Variants in USH2A observed in about 807,000 individuals in gnomAD.
USH2A encodes the protein usherin.
Under a neutral mutation model 538.9 loss-of-function variants are expected in USH2A, and 443 were observed. The ratio of observed to expected loss-of-function variants is 0.82; its 90% CI spans 0.76 to 0.89. The LOEUF (loss-of-function observed/expected upper bound fraction) is 0.89. Among genes scored for constraint, USH2A ranks in the 40% least tolerant of loss-of-function variants. The pLI is 0.00. For synonymous variants in USH2A, 2,413 were observed against 2,273.5 expected (o/e 1.06, Z -1.75); for missense variants, 6,633 against 6,324.8 (o/e 1.05, Z -1.65).
Position 216,246,740 on chromosome 1 carries a change from T to G in USH2A, c.2654A>C (p.His885Pro). The G allele has an allele frequency of 6.2e-7, 1 of 1,614,150 alleles. No homozygotes were observed. Among genetic ancestry groups the G allele is most frequent in the Non-Finnish European group, 8.5e-7 (1 of 1,179,982 alleles). The stretch of plus-strand genomic sequence containing the variant: ...ATTGTCAATGGTCAAATTGTACCTG[T>G]GAGGCTCACACTGATTACAGCGAAG... ...TGLRCNQCEP[H>P]RYNLTIDNFQ... The change falls in exon 13 of 72, where the codon CAC becomes CCC. Residue 885 changes from histidine to proline, a missense_variant. Transcript: ENST00000307340.
chr1:215,972,924 G>A (rs560458466), intron 35 of USH2A, among the ~76,000 whole-genome samples: 2 of 152,218 alleles, frequency 1.3e-5, no homozygotes, highest in South Asian at 2.1e-4. Flanking sequence ...ACACAAATGA[G>A]TTAAAGCTAA....
intron 67 of USH2A, among the ~76,000 whole-genome samples, chr1:215,645,554 A>C (rs2102640477): frequency 6.6e-6 from 1 of 152,324 alleles, no homozygotes; most frequent in South Asian, 2.1e-4. Context: ...AATTATTTGT[A>C]AAATGCTAAA....
intron 56 of USH2A, 107 bp from the exon 57 acceptor site, chr1:215,759,950 A>T (rs1660931915): frequency 7.7e-6 from 10 of 1,294,980 alleles, no homozygotes; most frequent in Admixed American, 1.8e-5. Context: ...TGTTGATTTT[A>T]AAAAATATCT....
intron 50 of USH2A, among the ~76,000 whole-genome samples, chr1:215,794,969 G>A (rs528815735): frequency 2.0e-5 from 3 of 152,288 alleles, no homozygotes; most frequent in South Asian, 4.2e-4. Context: ...CCTAGTGGAC[G>A]GTAACCTCCA....
intron 4 of USH2A, among the ~76,000 whole-genome samples, chr1:216,344,007 C>G (rs2038127910): frequency 6.6e-6 from 1 of 152,026 alleles, no homozygotes; most frequent in Non-Finnish European, 1.5e-5. Flanking sequence ...CTTGGTTTCA[C>G]TTTACTCTAT....
chr1:216,249,585 T>C (rs1299667429), intron 12 of USH2A, among the ~76,000 whole-genome samples: 3 of 152,170 alleles, frequency 2.0e-5, no homozygotes, highest in Non-Finnish European at 4.4e-5. Context: ...CGTTATTCTT[T>C]CTTTCTAAAA....
At chr1:216,152,611 C>A (rs940266403) in intron 21 of USH2A, among the ~76,000 whole-genome samples, 6 of 152,206 alleles carry the variant, frequency 3.9e-5, no homozygotes, top group African/African-American at 1.4e-4. Flanking sequence ...ACTCAGCCCG[C>A]CTGCACCCAG....
At chr1:215,961,142 C>T (rs1354221405) in intron 37 of USH2A, among the ~76,000 whole-genome samples, 6 of 151,822 alleles carry the variant, frequency 4.0e-5, no homozygotes, top group African/African-American at 7.3e-5. Flanking sequence ...GTTAGATGAA[C>T]GATCATCTAA....
intron 61 of USH2A, 120 bp downstream of exon 61, chr1:215,727,910 T>C: frequency 1.6e-6 from 2 of 1,220,496 alleles, no homozygotes; most frequent in Non-Finnish European, 2.4e-6. Context: ...TTTTCACAAG[T>C]GAAAGATTTT....
chr1:216,005,072 T>C (rs1571881453), intron 32 of USH2A, among the ~76,000 whole-genome samples: 1 of 152,190 alleles, frequency 6.6e-6, no homozygotes, highest in African/African-American at 2.4e-5. Flanking sequence ...AATCTAATAA[T>C]GGTCAATGAG....
intron 4 of USH2A, among the ~76,000 whole-genome samples, chr1:216,359,716 A>G (rs1364954960): frequency 6.6e-6 from 1 of 152,120 alleles, no homozygotes; most frequent in Non-Finnish European, 1.5e-5. Context: ...AAAAGAGTTG[A>G]GTTCCTGATA....
At chr1:216,213,161 A>T (rs758608233) in intron 15 of USH2A, among the ~76,000 whole-genome samples, 2 of 152,166 alleles carry the variant, frequency 1.3e-5, no homozygotes, top group Admixed American at 6.5e-5. Flanking sequence ...TTGCTGGCTT[A>T]TAGAAACACA....
chr1:216,127,534 C>T (rs1280200359), intron 21 of USH2A, among the ~76,000 whole-genome samples: 1 of 152,128 alleles, frequency 6.6e-6, no homozygotes, highest in Non-Finnish European at 1.5e-5. Context: ...AGAAAACTCT[C>T]AGGGCAATGT....
chr1:216,108,255 G>A (rs894708604), intron 21 of USH2A, among the ~76,000 whole-genome samples: 14 of 151,612 alleles, frequency 9.2e-5, no homozygotes, highest in Non-Finnish European at 1.8e-4. Context: ...AATTGAGATT[G>A]GTGTTTTAAA....
chr1:216,292,363 C>G lies in USH2A; in HGVS notation c.1652G>C (p.Arg551Pro), dbSNP rs746477843. The G allele has an allele frequency of 1.2e-6, 2 of 1,613,566 alleles. No homozygotes were observed. Among genetic ancestry groups the G allele is most frequent in the Non-Finnish European group, 1.7e-6 (2 of 1,179,770 alleles). ...CTTGTCATTATAAAGAGGCAAGCAG[C>G]GATCACACTAGAACAAAAAATATCA... ...ESFTEGLHCD[R>P]CLPLYNDKPF... The change falls in exon 10 of 72, where the codon CGC (arginine) becomes CCC (proline). Residue 551 changes from arginine to proline, a missense_variant. Coordinates refer to ENST00000307340, the MANE Select transcript of USH2A (RefSeq NM_206933.4).
chr1:215,886,881 G>A (rs1439508325), intron 41 of USH2A, among the ~76,000 whole-genome samples: 2 of 151,762 alleles, frequency 1.3e-5, no homozygotes, highest in Non-Finnish European at 2.9e-5. Flanking sequence ...CTTTTGAGAT[G>A]GAGTCTCGCT....
intron 60 of USH2A, among the ~76,000 whole-genome samples, chr1:215,734,608 C>T (rs913398627): frequency 2.0e-5 from 3 of 152,146 alleles, no homozygotes; most frequent in African/African-American, 7.2e-5. Flanking sequence ...TTCCTTTGCT[C>T]CCATATCTGA....
chr1:216,361,982 A>G (rs1377471426), intron 4 of USH2A, among the ~76,000 whole-genome samples: 1 of 152,190 alleles, frequency 6.6e-6, no homozygotes, highest in African/African-American at 2.4e-5. Context: ...TTATCTTTAC[A>G]GTGGATGTTC....
chr1:215,628,751 G>A, intron 71 of USH2A, 63 bp downstream of exon 71: 1 of 1,546,578 alleles, frequency 6.5e-7, no homozygotes, highest in South Asian at 1.1e-5. Flanking sequence ...AGTACAGGCA[G>A]CTCTGTACCA....
Sources: gnomAD v4.1 joint callset for allele counts (sites outside exome capture counted in the v4.1 genomes callset) on GRCh38, gnomAD v4.1.1 for gene constraint, MANE v1.5 for transcripts, NCBI Gene and HGNC (gene_info 2026-07-23, HGNC 2026-07-21) for gene names.